Variants in STAB2 observed in about 807,000 individuals in gnomAD.
STAB2 encodes the protein stabilin 2.
STAB2 carries 288 observed loss-of-function variants against 338.1 expected under a neutral mutation model. The ratio of observed to expected loss-of-function variants is 0.85; its 90% CI spans 0.77 to 0.94. STAB2 has a LOEUF of 0.94. Ranked by LOEUF, STAB2 falls within the 40% of genes least tolerant of loss-of-function variation. The pLI is 0.00. For synonymous variants in STAB2, 1,202 were observed against 1,193.3 expected (o/e 1.01, Z -0.15); for missense variants, 3,141 against 3,210.1 (o/e 0.98, Z 0.52).
At chr12:103,715,710 C>T (rs1277529776) in intron 42 of STAB2, 105 bp from the exon 43 acceptor site, 4 of 1,280,474 alleles carry the variant, frequency 3.1e-6, no homozygotes, top group African/African-American at 2.9e-5. Flanking sequence ...TGCTTTGACA[C>T]CCGCTCCCTT....
intron 6 of STAB2, among the ~76,000 whole-genome samples, chr12:103,633,395 A>C (rs1368675719): frequency 1.3e-5 from 2 of 152,268 alleles, no homozygotes; most frequent in Admixed American, 6.5e-5. Flanking sequence ...ATAAGAAATG[A>C]AAACAGGCCG....
In STAB2 at chr12:103,676,068, T is replaced by C. The variant is rs1432659010; in HGVS notation, c.2646+47T>C. The C allele has an allele frequency of 6.3e-6, 9 of 1,417,402 alleles. No homozygotes were observed. The South Asian group carries it at 9.2e-5, about 14-fold the overall frequency. 87.8% of individuals were successfully genotyped at this position (1,417,402 alleles called of 1,614,324 possible). ...CACCCTGCCTGGTTTCTTTTTTTTT[T>C]TTTTTTTTTTTGAGACAGAGTCTCG... is the stretch of plus-strand genomic sequence containing the variant. On this transcript the variant is annotated intron_variant, in intron 24 of 68. Transcript: ENST00000388887.
intron 61 of STAB2, 123 bp downstream of exon 61, chr12:103,753,476 G>C (rs1005258498): frequency 7.5e-7 from 1 of 1,326,820 alleles, no homozygotes; most frequent in Non-Finnish European, 1.1e-6. Context: ...GTAGCTCCTG[G>C]AACAATGCTA....
chr12:103,658,790 G>A (rs1431496630), intron 15 of STAB2, among the ~76,000 whole-genome samples: 1 of 152,140 alleles, frequency 6.6e-6, no homozygotes, highest in Non-Finnish European at 1.5e-5. Context: ...TGCACTTGCT[G>A]GGGACATGGT....
At chr12:103,737,549 G>A (rs1882224494) in intron 52 of STAB2, 85 bp from the exon 53 acceptor site, 9 of 1,425,794 alleles carry the variant, frequency 6.3e-6, no homozygotes, top group Non-Finnish European at 8.4e-6. Context: ...TGGGAAAGAA[G>A]AGATGTGTGA....
chr12:103,622,640 G>A (rs143896291), intron 5 of STAB2, among the ~76,000 whole-genome samples: 182 of 152,344 alleles, frequency 1.2e-3, no homozygotes, highest in African/African-American at 4.3e-3. Flanking sequence ...TTTAACATGT[G>A]TAACCAAGTC....
chr12:103,618,485 C>T (rs1285516975), intron 3 of STAB2, among the ~76,000 whole-genome samples: 3 of 152,194 alleles, frequency 2.0e-5, no homozygotes, highest in Admixed American at 2.0e-4. Context: ...TTGACTAAGA[C>T]AACTGCATTT....
At chr12:103,644,632 G>T (rs1873204594) in intron 9 of STAB2, among the ~76,000 whole-genome samples, 1 of 152,076 alleles carries the variant, frequency 6.6e-6, no homozygotes, top group South Asian at 2.1e-4. Flanking sequence ...AGAATATAAG[G>T]TCCATGTCTT....
chr12:103,640,827 G>T (rs1872873971), intron 9 of STAB2, among the ~76,000 whole-genome samples: 1 of 152,146 alleles, frequency 6.6e-6, no homozygotes, highest in Admixed American at 6.6e-5. Flanking sequence ...ATACCTACCA[G>T]ATGCATGACC....
At chr12:103,637,741 A>C (rs1043045031) in intron 7 of STAB2, among the ~76,000 whole-genome samples, 1 of 152,224 alleles carries the variant, frequency 6.6e-6, no homozygotes, top group African/African-American at 2.4e-5. Flanking sequence ...GGCTTAGTAC[A>C]TATTATAAAT....
At chr12:103,765,605 G>A (rs1431872408) in intron 68 of STAB2, among the ~76,000 whole-genome samples, 1 of 152,112 alleles carries the variant, frequency 6.6e-6, no homozygotes, top group Non-Finnish European at 1.5e-5. Context: ...GGTGTGTCAC[G>A]CAGGCTGGAG....
At position 103,733,071 on chromosome 12, in the gene STAB2, C is replaced by T. The variant is rs761201487; in HGVS notation, c.5349C>T (p.Thr1783=). ...CCCCAGTCACTCTCTTCTGGCCCAC[C>T]GACCAAGCCCTCCATGCCCTACCTG... is the stretch of plus-strand genomic sequence containing the variant. ...IHTPVTLFWP[T]DQALHALPAE... is the part of the protein sequence containing the mutation. The change falls in exon 51 of 69, where the codon ACC becomes ACT. Residue 1783 remains threonine, a synonymous_variant. Coordinates refer to ENST00000388887, the MANE Select transcript of STAB2 (RefSeq NM_017564.10). The T allele has an allele frequency of 5.2e-5, 84 of 1,614,014 alleles. 2 individuals are homozygous for T. Among genetic ancestry groups the T allele is most frequent in the South Asian group, 1.5e-4 (14 of 91,088 alleles).
chr12:103,750,280 C>A (rs1021418482), intron 59 of STAB2, among the ~76,000 whole-genome samples: 1 of 152,090 alleles, frequency 6.6e-6, no homozygotes, highest in Non-Finnish European at 1.5e-5. Context: ...CACAAGGAGC[C>A]CTGTGAAGAA....
intron 3 of STAB2, among the ~76,000 whole-genome samples, chr12:103,596,975 A>G (rs976160979): frequency 1.3e-5 from 2 of 148,992 alleles, no homozygotes; most frequent in African/African-American, 4.9e-5. Context: ...AAAAAAAAAA[A>G]AAAGAGTCCA....
At chr12:103,751,452 G>A (rs750311298) in intron 60 of STAB2, among the ~76,000 whole-genome samples, 1 of 152,174 alleles carries the variant, frequency 6.6e-6, no homozygotes, top group Non-Finnish European at 1.5e-5. Context: ...ATGACATAAA[G>A]TTTCCATCCT....
At chr12:103,644,911 G>A (rs75172043) in intron 9 of STAB2, among the ~76,000 whole-genome samples, 6,814 of 152,178 alleles carry the variant, frequency 0.045, 163 homozygotes, top group Non-Finnish European at 0.061. Context: ...AAAATAGCTC[G>A]TGTATCCCAT....
At chr12:103,736,052 A>G (rs1882096083) in intron 52 of STAB2, among the ~76,000 whole-genome samples, 1 of 152,216 alleles carries the variant, frequency 6.6e-6, no homozygotes, top group African/African-American at 2.4e-5. Context: ...TAGTTCCTGA[A>G]CAATTCTGTC....
intron 68 of STAB2, 89 bp from the exon 69 acceptor site, chr12:103,766,197 T>A: frequency 6.6e-7 from 1 of 1,525,476 alleles, no homozygotes; most frequent in Non-Finnish European, 9.1e-7. Context: ...TCAGGGAGAG[T>A]CATGCCTCAG....
At chr12:103,661,433 A>G (rs1465657831) in intron 17 of STAB2, among the ~76,000 whole-genome samples, 1 of 152,228 alleles carries the variant, frequency 6.6e-6, no homozygotes, top group Non-Finnish European at 1.5e-5. Flanking sequence ...TTGAGTTCCT[A>G]CTGTGCATCA....
Sources: gnomAD v4.1 joint callset for allele counts (sites outside exome capture counted in the v4.1 genomes callset) on GRCh38, gnomAD v4.1.1 for gene constraint, MANE v1.5 for transcripts, NCBI Gene and HGNC (gene_info 2026-07-23, HGNC 2026-07-21) for gene names.